The following PCNT variants were observed in gnomAD, a reference collection of about 807,000 sequenced individuals.
PCNT encodes the protein kendrin.
A neutral mutation model predicts 380.4 loss-of-function variants in PCNT; 319 were observed. The ratio of observed to expected loss-of-function variants is 0.84; its 90% CI spans 0.77 to 0.92. The LOEUF (loss-of-function observed/expected upper bound fraction) is 0.92. Ranked by LOEUF, PCNT falls within the 40% of genes least tolerant of loss-of-function variation. The probability of loss-of-function intolerance (pLI) is 0.00; values close to 1 mark genes in which losing one functional copy is unlikely to be tolerated. For missense variants in PCNT, 4,400 were observed against 4,255.3 expected, an observed-to-expected ratio of 1.03 and a Z score of -0.95; for synonymous variants, 1,845 against 1,735.2, an observed-to-expected ratio of 1.06 and a Z score of -1.57.
chr21:46,442,674 A>AT, intron 44 of PCNT, 101 bp downstream of exon 44: 1 of 797,476 alleles, frequency 1.3e-6, no homozygotes, highest in Non-Finnish European at 2.2e-6. Context: ...ATGGGGACGT[A>AT]ATAAAGCACG....
intron 9 of PCNT, 62 bp downstream of exon 9, chr21:46,351,602 T>C: frequency 1.0e-6 from 1 of 988,062 alleles, no homozygotes; most frequent in Admixed American, 1.7e-5. Flanking sequence ...TTTTCATTGT[T>C]GTAACACCAA....
intron 33 of PCNT, 109 bp downstream of exon 33, chr21:46,426,080 T>C (rs1470085458): frequency 2.6e-4 from 278 of 1,050,172 alleles, no homozygotes; most frequent in East Asian, 5.5e-4. Context: ...TTTTTTTTTT[T>C]TTTTTTTTTT....
Position 46,428,487 on chromosome 21 carries a change from C to T in PCNT, c.7587C>T (p.Arg2529=), listed in dbSNP as rs1182772551. Reference sequence around the variant, plus strand: ...TCCAGGCGCTGCGTGCCCAGCTGCGCATGACGCACCTGCAGAACCAGGAGA... The same window carrying T: ...TCCAGGCGCTGCGTGCCCAGCTGCGTATGACGCACCTGCAGAACCAGGAGA... ...SEIQALRAQL[R]MTHLQNQEKL... is the part of the protein sequence containing the mutation. The change falls in exon 35 of 47, where the codon CGC becomes CGT. Residue 2529 remains arginine (R), a synonymous_variant. Coordinates refer to ENST00000359568, the MANE Select transcript of PCNT (RefSeq NM_006031.6). The T allele has an allele frequency of 3.7e-6, 6 of 1,612,182 alleles. No homozygotes were observed. In the South Asian group the frequency reaches 6.6e-5, roughly 18 times the overall value.
Position 46,382,690 on chromosome 21 carries a change from C to T in PCNT, c.3312+850C>T, listed in dbSNP as rs1186906102. The stretch of plus-strand genomic sequence containing the variant: ...CACGGTGTGCGTTCAGTGGCGGAAG[C>T]GCATTCACAGTGTTGTATATTCAGT... On this transcript the variant is annotated intron_variant, in intron 16 of 46. Coordinates refer to ENST00000359568, the MANE Select transcript of PCNT (RefSeq NM_006031.6). Among the ~76,000 whole-genome samples the T allele has an allele frequency of 2.8e-4, 37 of 130,030 alleles. 3 individuals carry two copies. The highest frequency in any genetic ancestry group is 2.5e-4 in the Admixed American group (3 of 12,004). The allele number at this position is 130,030 out of a possible 152,430, so 85.3% of individuals were successfully genotyped here.
intron 2 of PCNT, among the ~76,000 whole-genome samples, chr21:46,327,126 T>C (rs192965690): frequency 0.045 from 6,828 of 151,726 alleles, 226 homozygotes; most frequent in Non-Finnish European, 0.067. Flanking sequence ...AGTGGCGCGA[T>C]CTCGGCTCAC....
intron 15 of PCNT, among the ~76,000 whole-genome samples, chr21:46,372,974 G>T (rs2085202685): frequency 6.6e-6 from 1 of 152,254 alleles, no homozygotes; most frequent in African/African-American, 2.4e-5. Context: ...CTGAAATCGT[G>T]TGTCACCTGT....
chr21:46,324,402 C>G, intron 1 of PCNT, 120 bp downstream of exon 1: 1 of 882,464 alleles, frequency 1.1e-6, no homozygotes, highest in South Asian at 1.4e-5. Flanking sequence ...CCGCGGAGGT[C>G]TCGCTTTTTC....
At chr21:46,413,932 G>A (rs572883687) in intron 29 of PCNT, among the ~76,000 whole-genome samples, 171 of 152,224 alleles carry the variant, frequency 1.1e-3, no homozygotes, top group Non-Finnish European at 2.0e-3. Context: ...AAACACCTGC[G>A]CAGGAGCTGC....
intron 14 of PCNT, among the ~76,000 whole-genome samples, chr21:46,365,319 GGGGTTCTATTCACTGCCA>G (rs1569204181): frequency 0.2 from 27,465 of 136,170 alleles, 6,056 homozygotes; most frequent in Admixed American, 0.28. Flanking sequence ...TCACTGCCAT[GGGGTTCTATTCACTGCCA>G]TGGGGTTCTA....
chr21:46,393,779 G>A (rs4818837), intron 21 of PCNT, among the ~76,000 whole-genome samples: 2 of 152,092 alleles, frequency 1.3e-5, no homozygotes, highest in African/African-American at 2.4e-5. Flanking sequence ...GTGGTGGCCC[G>A]TCTGCTGCCT....
chr21:46,347,549 T>C, intron 6 of PCNT, 37 bp downstream of exon 6: 1 of 1,601,900 alleles, frequency 6.2e-7, no homozygotes. Flanking sequence ...CGCCTCTGTG[T>C]ATGTTGTTTT....
chr21:46,436,883 T>C (rs2053473217), intron 39 of PCNT, 96 bp from the exon 40 acceptor site: 2 of 917,184 alleles, frequency 2.2e-6, no homozygotes, highest in East Asian at 2.5e-5. Flanking sequence ...CTCAGAAACC[T>C]GTCTTGTCTC....
intron 32 of PCNT, 104 bp downstream of exon 32, chr21:46,422,228 T>A: frequency 7.1e-7 from 1 of 1,408,128 alleles, no homozygotes; most frequent in Non-Finnish European, 9.8e-7. Context: ...GAGGGCCAGC[T>A]TTTCCTGGGT....
intron 31 of PCNT, among the ~76,000 whole-genome samples, chr21:46,419,565 T>C (rs146779348): frequency 4.2e-4 from 64 of 152,328 alleles, no homozygotes; most frequent in African/African-American, 1.5e-3. Flanking sequence ...GCAGAGCCGC[T>C]GGGAGCGTGC....
chr21:46,327,091 C>T (rs939642727), intron 2 of PCNT, among the ~76,000 whole-genome samples: 9 of 151,114 alleles, frequency 6.0e-5, no homozygotes, highest in Admixed American at 2.6e-4. Flanking sequence ...GATGGATTCT[C>T]GCTCTGTCTC....
intron 44 of PCNT, chr21:46,442,906 G>GT: frequency 5.5e-6 from 2 of 365,222 alleles, no homozygotes; most frequent in South Asian, 2.5e-5. Flanking sequence ...CTCTTTCCTT[G>GT]TAGAGCATCA....
Position 46,416,132 on chromosome 21 carries a change from C to T in PCNT, c.6214C>T (p.Gln2072Ter). 1 of 1,614,196 alleles carries T rather than the reference C, an allele frequency of 6.2e-7. No homozygotes were observed. Among genetic ancestry groups the T allele is most frequent in the Non-Finnish European group, 8.5e-7 (1 of 1,180,038 alleles). Residue 2072 changes from glutamine (Q) to a stop codon, truncating the protein, a stop_gained, in exon 30 of 47, where the codon CAG (glutamine) becomes TAG (stop). Coordinates refer to ENST00000359568, the MANE Select transcript of PCNT (RefSeq NM_006031.6). LOFTEE classifies it high-confidence loss of function. Reference sequence around the variant, plus strand: ...GGTCGATCTCGTAGCTCAGGTGAAACAGCTTCAGGAAAAACTGAACCGTTT... The same window carrying T: ...GGTCGATCTCGTAGCTCAGGTGAAATAGCTTCAGGAAAAACTGAACCGTTT... ...PKVDLVAQVK[Q>*]LQEKLNRLLY...
intron 2 of PCNT, among the ~76,000 whole-genome samples, chr21:46,330,571 A>G (rs757071959): frequency 6.6e-6 from 1 of 152,222 alleles, no homozygotes; most frequent in South Asian, 2.1e-4. Context: ...TTAGAAGCAG[A>G]TATTTCATTA....
chr21:46,412,496 G>A (rs2086822125), intron 28 of PCNT, among the ~76,000 whole-genome samples: 2 of 152,178 alleles, frequency 1.3e-5, no homozygotes, highest in South Asian at 2.1e-4. Flanking sequence ...GTAGGGAGTC[G>A]TCTTTTAAGG....
Sources: allele counts gnomAD v4.1 joint callset (sites outside exome capture counted in the v4.1 genomes callset), GRCh38; gene constraint gnomAD v4.1.1; transcripts MANE v1.5; gene names NCBI Gene and HGNC (gene_info 2026-07-23, HGNC 2026-07-21).